The following INTS14 variants were observed in gnomAD, a reference collection of about 807,000 sequenced individuals.
INTS14 encodes integrator complex subunit 14.
Under a neutral mutation model 56.9 loss-of-function variants are expected in INTS14, and 27 were observed. That is an observed-to-expected ratio of 0.47 (90% CI 0.35 to 0.65). INTS14 has a LOEUF of 0.65. Among genes scored for constraint, INTS14 ranks in the 30% least tolerant of loss-of-function variants. The pLI, the probability that INTS14 is intolerant of heterozygous loss-of-function variation, is 0.00. For synonymous variants in INTS14, 207 were observed against 236.2 expected (o/e 0.88, Z 1.13); for missense variants, 517 against 632.2 (o/e 0.82, Z 1.95).
rs759990763 is a variant in INTS14, at chr15:65,607,434, G to A, written c.-54C>T. On this transcript the variant is annotated 5_prime_UTR_variant, in exon 2 of 12. Coordinates refer to ENST00000313182, the MANE Select transcript of INTS14 (RefSeq NM_001394796.1). ...AGAATGCAAACAGACAGCTATAAAC[G>A]AAGAAATGCTGCAGAAAATAAATAC... The A allele has an allele frequency of 6.9e-6, 11 of 1,597,092 alleles. No individual in the cohort carries two copies. Among genetic ancestry groups the A allele is most frequent in the Admixed American group, 3.4e-5 (2 of 58,442 alleles).
chr15:65,611,099 C>A lies in INTS14; in HGVS notation c.-64G>T. On this transcript the variant is annotated splice_region_variant and 5_prime_UTR_variant, in exon 1 of 12. Coordinates refer to ENST00000313182, the MANE Select transcript of INTS14 (RefSeq NM_001394796.1). ...CGGGCCCTCGGCCTCCCCACTCACC[C>A]CGTGCCCATCGCCGGACACAGTCCG... The A allele has an allele frequency of 6.5e-7, 1 of 1,535,782 alleles. No individual in the cohort carries two copies. Among genetic ancestry groups the A allele is most frequent in the Non-Finnish European group, 8.7e-7 (1 of 1,146,636 alleles).
chr15:65,601,245 A>G (rs2073422664), intron 3 of INTS14, among the ~76,000 whole-genome samples: 1 of 152,246 alleles, frequency 6.6e-6, no homozygotes, highest in Admixed American at 6.5e-5. Context: ...ATTGCTTCAG[A>G]ATGATCCTGT....
At chr15:65,610,999 C>A in intron 1 of INTS14, 99 bp downstream of exon 1, 1 of 1,507,194 alleles carries the variant, frequency 6.6e-7, no homozygotes, top group Non-Finnish European at 8.9e-7. Flanking sequence ...GCGGGAAGGC[C>A]AAGCGCTGGC....
chr15:65,603,762 T>C (rs1269734406), intron 3 of INTS14, among the ~76,000 whole-genome samples: 1 of 152,244 alleles, frequency 6.6e-6, no homozygotes, highest in Non-Finnish European at 1.5e-5. Flanking sequence ...TGTCTGTTTT[T>C]GTAAATAAAG....
chr15:65,600,076 G>A (rs1019145061), intron 3 of INTS14, 147 bp from the exon 4 acceptor site: 9 of 822,818 alleles, frequency 1.1e-5, no homozygotes, highest in Non-Finnish European at 1.5e-5. Context: ...GGGAGGCCAA[G>A]GCAGGACTGC....
intron 1 of INTS14, 58 bp from the exon 2 acceptor site, chr15:65,607,500 T>C (rs2073700012): frequency 6.7e-7 from 1 of 1,483,032 alleles, no homozygotes; most frequent in African/African-American, 1.4e-5. Context: ...TTTTTCACCA[T>C]AACTTTAACT....
At chr15:65,607,042 A>G (rs184748021) in intron 2 of INTS14, 117 bp downstream of exon 2, 288 of 1,267,230 alleles carry the variant, frequency 2.3e-4, no homozygotes, top group Non-Finnish European at 3.0e-4. Context: ...ACACATATTA[A>G]GTACTCATAG....
intron 1 of INTS14, chr15:65,610,827 G>A (rs1017216943): frequency 3.1e-5 from 48 of 1,534,442 alleles, no homozygotes; most frequent in African/African-American, 4.1e-5. Context: ...TGTGGGATCT[G>A]GAAGTCTCTC....
At position 65,579,377 on chromosome 15, in the gene INTS14, GAAAA is replaced by G. The variant is rs751387170; in HGVS notation, c.*27_*30del. Reference sequence around the variant, plus strand: ...TACCTAAAGCATTTTCAGTTGAAATGAAAAAAGAAGGAAAGCTCCAAAAGTCAGT... The same window carrying G: ...TACCTAAAGCATTTTCAGTTGAAATGAAGAAGGAAAGCTCCAAAAGTCAGT... On this transcript the variant is annotated 3_prime_UTR_variant, in exon 12 of 12. Transcript: ENST00000313182. 8.8e-6 allele frequency: 14 copies of G among 1,597,056 alleles called. No homozygotes were observed. Among genetic ancestry groups the G allele is most frequent in the Non-Finnish European group, 1.1e-5 (13 of 1,167,684 alleles).
In INTS14 at chr15:65,579,451, G is replaced by A. The variant is rs765709152; in HGVS notation, c.1514C>T (p.Pro505Leu). The stretch of plus-strand genomic sequence containing the variant: ...GCTCCCAGAGAAGTCCGTGTGCAAA[G>A]GTGTGATGTTCTGGTCATAAGCGGC... ...EYAAYDQNIT[P>L]LHTDFSGSST... The change falls in exon 12 of 12, where the codon CCT becomes CTT. Residue 505 changes from proline (P) to leucine (L), a missense_variant. Coordinates refer to ENST00000313182, the MANE Select transcript of INTS14 (RefSeq NM_001394796.1). The A allele has an allele frequency of 4.3e-6, 7 of 1,614,056 alleles. No homozygotes were observed. The highest frequency in any genetic ancestry group is 1.3e-5 in the African/African-American group (1 of 74,942).
At chr15:65,604,236 C>T (rs1196172395) in intron 3 of INTS14, among the ~76,000 whole-genome samples, 2 of 152,156 alleles carry the variant, frequency 1.3e-5, no homozygotes, top group African/African-American at 2.4e-5. Flanking sequence ...GTGCACACCA[C>T]CACACCCAGC....
chr15:65,604,314 C>G (rs1396721222), intron 3 of INTS14, among the ~76,000 whole-genome samples: 1 of 152,136 alleles, frequency 6.6e-6, no homozygotes, highest in East Asian at 1.9e-4. Flanking sequence ...GATCTCTTGA[C>G]CTGGTGATCC....
intron 3 of INTS14, among the ~76,000 whole-genome samples, chr15:65,602,762 G>A (rs1281777113): frequency 6.6e-6 from 1 of 151,524 alleles, no homozygotes; most frequent in Non-Finnish European, 1.5e-5. Flanking sequence ...CTGCCTCCCC[G>A]GTTCAAGCGA....
chr15:65,607,417 AACAG>A lies in INTS14; in HGVS notation c.-41_-38del. 1 of 1,612,350 alleles carries A rather than the reference AACAG, an allele frequency of 6.2e-7. No homozygotes were observed. On this transcript the variant is annotated 5_prime_UTR_variant, in exon 2 of 12. Coordinates refer to ENST00000313182, the MANE Select transcript of INTS14 (RefSeq NM_001394796.1). Reference sequence around the variant, plus strand: ...TCCCAGTGTTCCCAATCAGAATGCAAACAGACAGCTATAAACGAAGAAATGCTGC... The same window carrying A: ...TCCCAGTGTTCCCAATCAGAATGCAAACAGCTATAAACGAAGAAATGCTGC...
At chr15:65,608,542 G>A (rs1340135724) in intron 1 of INTS14, among the ~76,000 whole-genome samples, 3 of 152,072 alleles carry the variant, frequency 2.0e-5, no homozygotes, top group African/African-American at 4.8e-5. Context: ...CTGCTCATGG[G>A]TATATAGCCT....
intron 3 of INTS14, 31 bp from the exon 4 acceptor site, chr15:65,599,960 A>G (rs1447631181): frequency 5.6e-6 from 9 of 1,597,566 alleles, no homozygotes; most frequent in Non-Finnish European, 7.7e-6. Context: ...AGGAGGTTGT[A>G]CATTAAATTA....
At chr15:65,600,028 C>A (rs1289750307) in intron 3 of INTS14, 99 bp from the exon 4 acceptor site, 5 of 1,341,908 alleles carry the variant, frequency 3.7e-6, no homozygotes, top group Admixed American at 5.0e-5. Context: ...GGCACCAGGG[C>A]TGGCTATGGT....
chr15:65,595,961 T>C, intron 6 of INTS14, 136 bp from the exon 7 acceptor site: 1 of 608,858 alleles, frequency 1.6e-6, no homozygotes, highest in Non-Finnish European at 2.7e-6. Context: ...TAGATTTGTA[T>C]ATGGAGTCGT....
At chr15:65,583,972 G>T (rs1362043676) in intron 10 of INTS14, among the ~76,000 whole-genome samples, 1 of 152,102 alleles carries the variant, frequency 6.6e-6, no homozygotes, top group Non-Finnish European at 1.5e-5. Context: ...TTGTCCAAGT[G>T]GCCTGTCTCT....
Sources: gnomAD v4.1 joint callset for allele counts (sites outside exome capture counted in the v4.1 genomes callset) on GRCh38, gnomAD v4.1.1 for gene constraint, MANE v1.5 for transcripts, NCBI Gene and HGNC (gene_info 2026-07-23, HGNC 2026-07-21) for gene names.